Variants in TENM3 observed in about 807,000 individuals in gnomAD.
TENM3 encodes the protein teneurin transmembrane protein 3, also known as teneurin-3.
In TENM3, 63 loss-of-function variants were observed where a neutral mutation model predicts 255.1. That is an observed-to-expected ratio of 0.25 (90% CI 0.20 to 0.30). The LOEUF is 0.30. TENM3 is among the 10% of genes least tolerant of loss of function. The pLI is 1.00. For synonymous variants in TENM3, 1,306 were observed against 1,322.3 expected, an observed-to-expected ratio of 0.99 and a Z score of 0.27; for missense variants, 2,929 against 3,461.1, an observed-to-expected ratio of 0.85 and a Z score of 3.86.
At chr4:181,617,686 A>G in the TENM3 span, among the ~76,000 whole-genome samples, 2 of 152,226 alleles carry the variant, frequency 1.3e-5, no homozygotes, top group African/African-American at 2.4e-5. Context: ...CAATGAGCTC[A>G]TGGACTACGA....
chr4:182,709,195 A>AGT (rs1315748837), intron 12 of TENM3, among the ~76,000 whole-genome samples: 2 of 151,754 alleles, frequency 1.3e-5, no homozygotes, highest in African/African-American at 2.4e-5. Flanking sequence ...GTTGGCCAGG[A>AGT]TGGTCTCGAA....
chr4:182,130,416 G>A, the TENM3 span, among the ~76,000 whole-genome samples: 13 of 152,244 alleles, frequency 8.5e-5, no homozygotes, highest in East Asian at 2.5e-3. Flanking sequence ...TCTTTTTATA[G>A]CTGATTAATA....
At chr4:182,161,784 C>A (rs372215698) in intron 1 of TENM3, among the ~76,000 whole-genome samples, 1 of 13,106 alleles carries the variant, frequency 7.6e-5, no homozygotes, top group East Asian at 3.6e-3. Context: ...TATATATACA[C>A]AAATATATGT....
At chr4:182,476,993 G>A (rs1003826540) in intron 3 of TENM3, among the ~76,000 whole-genome samples, 5 of 152,168 alleles carry the variant, frequency 3.3e-5, no homozygotes, top group African/African-American at 9.6e-5. Context: ...GAGGACAGCC[G>A]CTATCTATAG....
At chr4:182,196,657 C>T (rs1169711108) in intron 1 of TENM3, among the ~76,000 whole-genome samples, 2 of 152,150 alleles carry the variant, frequency 1.3e-5, no homozygotes, top group Admixed American at 6.5e-5. Context: ...AGGACCTGTG[C>T]CCTGGTTCTG....
rs1215827053 is a variant in TENM3, at chr4:182,161,210, A to T, written c.-76+16456A>T. Among the ~76,000 whole-genome samples, 7 of 140,674 alleles carry T rather than the reference A, an allele frequency of 5.0e-5. No individual in the cohort carries two copies. In the Admixed American group the frequency reaches 5.1e-4, roughly 10 times the overall value. The allele number at this position is 140,674 out of a possible 152,430, so 92.3% of individuals were successfully genotyped here. ...GGCGGGCGGATCACGAGGTCAGGAG[A>T]TCGAGACCATCCTGGCTAACACGGT... On this transcript the variant is annotated intron_variant, in intron 1 of 2. Transcript: ENST00000512480.
At chr4:182,779,157 C>A (rs1056908924) in intron 24 of TENM3, among the ~76,000 whole-genome samples, 1 of 151,176 alleles carries the variant, frequency 6.6e-6, no homozygotes, top group African/African-American at 2.4e-5. Context: ...ACTGCACCCA[C>A]TAACTCGTCA....
chr4:182,186,242 A>G lies in TENM3; in HGVS notation c.-76+41488A>G, dbSNP rs188123328. ...TCCACAGGAGATGAAACATACTCAT[A>G]TTAATCTTTTGTCAATAATTGTTAA... On this transcript the variant is annotated intron_variant, in intron 1 of 2. Coordinates refer to the TENM3 transcript ENST00000512480. 1.2e-3 allele frequency among the ~76,000 whole-genome samples: 190 copies of G among 152,322 alleles called. 1 individual carries two copies. The highest frequency in any genetic ancestry group is 4.3e-3 in the African/African-American group (180 of 41,576).
At position 182,799,008 on chromosome 4, in the gene TENM3, A is replaced by G. The variant is rs1482814166; in HGVS notation, c.7345-588A>G. On this transcript the variant is annotated intron_variant, in intron 27 of 27. Transcript: ENST00000511685. This position sits in a 1 kb window ranked among gnomAD's most constrained non-coding sequence, Gnocchi z 4.2. ...AATAATTGTTTTCCTAAAGTAACAAATATCGTCTCCAGCTGCCCCACCTTC... is the reference window on the plus strand; with the variant it reads ...AATAATTGTTTTCCTAAAGTAACAAGTATCGTCTCCAGCTGCCCCACCTTC... Among the ~76,000 whole-genome samples the G allele has an allele frequency of 2.6e-5, 4 of 152,218 alleles. No individual in the cohort carries two copies. The highest frequency in any genetic ancestry group is 9.6e-5 in the African/African-American group (4 of 41,456).
chr4:181,641,805 C>CCAT, the TENM3 span, among the ~76,000 whole-genome samples: 1 of 31,438 alleles, frequency 3.2e-5, no homozygotes, highest in Admixed American at 7.3e-4. Context: ...ACACACACAC[C>CCAT]ATATATATAT....
intron 5 of TENM3, among the ~76,000 whole-genome samples, chr4:182,638,034 A>T (rs7688154): frequency 0.95 from 143,475 of 150,774 alleles, 68,297 homozygotes; most frequent in East Asian, 1. Context: ...TAGGGGAAAA[A>T]TTTTTTTTTT....
rs746013308 is a variant in TENM3 at position 182,554,388 on chromosome 4, AT to A, written c.512-46534del. On this transcript the variant is annotated intron_variant, in intron 3 of 27. Coordinates refer to ENST00000511685, the MANE Select transcript of TENM3 (RefSeq NM_001080477.4). ...TGCGAAAATCAAGTTTTATAGTGTGATTGAACAATTAGTTGAACTACATTAT... is the reference window on the plus strand; with the variant it reads ...TGCGAAAATCAAGTTTTATAGTGTGATGAACAATTAGTTGAACTACATTAT... Among the ~76,000 whole-genome samples the A allele has an allele frequency of 3.9e-5, 6 of 152,238 alleles. No individual in the cohort carries two copies. The East Asian group carries it at 7.7e-4, about 20-fold the overall frequency.
chr4:182,534,781 AG>A (rs1374210243), intron 3 of TENM3, among the ~76,000 whole-genome samples: 1 of 152,246 alleles, frequency 6.6e-6, no homozygotes, highest in African/African-American at 2.4e-5. Context: ...TTATACAGTG[AG>A]TAAGCACTTA....
the TENM3 span, among the ~76,000 whole-genome samples, chr4:182,038,134 A>G: frequency 6.6e-6 from 1 of 152,224 alleles, no homozygotes; most frequent in Non-Finnish European, 1.5e-5. Context: ...ATCTCAAGAT[A>G]GTCTATGCTA....
the TENM3 span, among the ~76,000 whole-genome samples, chr4:181,484,079 C>A: frequency 2.0e-5 from 3 of 151,924 alleles, no homozygotes; most frequent in Admixed American, 6.6e-5. Flanking sequence ...GTGCTAAGAA[C>A]GCGGTTTGGT....
At chr4:181,865,383 T>G in the TENM3 span, among the ~76,000 whole-genome samples, 30 of 152,338 alleles carry the variant, frequency 2.0e-4, no homozygotes, top group African/African-American at 7.0e-4. Context: ...CTTTTTCTTG[T>G]TGCCGATGAT....
chr4:182,276,191 T>A (rs1759988801), intron 1 of TENM3, among the ~76,000 whole-genome samples: 1 of 152,106 alleles, frequency 6.6e-6, no homozygotes, highest in South Asian at 2.1e-4. Context: ...AACAGAAATA[T>A]CAGTAACATT....
Position 182,799,292 on chromosome 4 carries a change from G to C in TENM3, c.7345-304G>C, listed in dbSNP as rs1205808678. Among the ~76,000 whole-genome samples the C allele has an allele frequency of 6.6e-6, 1 of 152,220 alleles. No homozygotes were observed. The highest frequency in any genetic ancestry group is 1.9e-4 in the East Asian group (1 of 5,198). On this transcript the variant is annotated intron_variant, in intron 27 of 27. Transcript: ENST00000511685. The surrounding 1 kb of genome is among the most constrained non-coding windows in gnomAD (Gnocchi z 4.2). ...CCCACGTGGGGTGGGAGTGGGAAAA[G>C]AGCATCTAGAAACTGTAAGAGAAAA...
At chr4:181,980,594 T>C in the TENM3 span, among the ~76,000 whole-genome samples, 1 of 152,202 alleles carries the variant, frequency 6.6e-6, no homozygotes, top group Non-Finnish European at 1.5e-5. Flanking sequence ...CATTGCCTTG[T>C]AATCTTCTTT....
Sources: gnomAD v4.1 joint callset for allele counts (sites outside exome capture counted in the v4.1 genomes callset) on GRCh38, gnomAD v4.1.1 for gene constraint, Gnocchi (gnomAD v3.1) non-coding constraint, MANE v1.5 for transcripts, NCBI Gene and HGNC (gene_info 2026-07-23, HGNC 2026-07-21) for gene names.